The following GFPT1 variants were observed in gnomAD, a reference collection of about 807,000 sequenced individuals.
The protein encoded by GFPT1 is glutamine--fructose-6-phosphate aminotransferase [isomerizing] 1.
In GFPT1, 40 loss-of-function variants were observed where a neutral mutation model predicts 92.0. That is an observed-to-expected ratio of 0.43 (90% CI 0.34 to 0.57). The LOEUF (loss-of-function observed/expected upper bound fraction) is 0.57. Ranked by LOEUF, GFPT1 falls within the 20% of genes least tolerant of loss-of-function variation. The pLI, the probability that GFPT1 is intolerant of heterozygous loss-of-function variation, is 0.02. For missense variants in GFPT1, 448 were observed against 869.1 expected (o/e 0.52, Z 6.09); for synonymous variants, 269 against 280.6 (o/e 0.96, Z 0.41).
intron 1 of GFPT1, among the ~76,000 whole-genome samples, chr2:69,378,026 GT>G (rs1671920110): frequency 6.6e-6 from 1 of 151,872 alleles, no homozygotes; most frequent in Admixed American, 6.6e-5. Context: ...TTTGTTTTTT[GT>G]TTTTTTGAAA....
intron 1 of GFPT1, among the ~76,000 whole-genome samples, chr2:69,374,541 C>T (rs1234963321): frequency 6.6e-6 from 1 of 152,090 alleles, no homozygotes; most frequent in Non-Finnish European, 1.5e-5. Flanking sequence ...TCTCAATCTC[C>T]TGACCTCGTG....
chr2:69,377,085 G>A (rs987348287), intron 1 of GFPT1, among the ~76,000 whole-genome samples: 6 of 151,598 alleles, frequency 4.0e-5, no homozygotes, highest in Middle Eastern at 3.4e-3. Flanking sequence ...GCAGGTGCCT[G>A]CAATCGCAGC....
chr2:69,329,568 C>T lies in GFPT1; in HGVS notation c.1597+116G>A, dbSNP rs890265958. 22 of 954,650 alleles carry T rather than the reference C, an allele frequency of 2.3e-5. No homozygotes were observed. The African/African-American group carries it at 2.4e-4, about 11-fold the overall frequency. The allele number at this position is 954,650 out of a possible 1,614,324, so 59.1% of individuals were successfully genotyped here. On this transcript the variant is annotated intron_variant, in intron 16 of 19. Transcript: ENST00000357308. ...TATTTTTTTAATACATCGGAGCAAA[C>T]GTAGAAAGATCTTATTGACTAAATA...
chr2:69,372,212 A>G (rs1671767846), intron 2 of GFPT1, among the ~76,000 whole-genome samples: 1 of 151,618 alleles, frequency 6.6e-6, no homozygotes, highest in African/African-American at 2.4e-5. Context: ...AAAAAAAAAA[A>G]AAAAAAGAAG....
At chr2:69,368,126 G>A (rs1176082714) in intron 3 of GFPT1, among the ~76,000 whole-genome samples, 1 of 152,212 alleles carries the variant, frequency 6.6e-6, no homozygotes, top group Admixed American at 6.5e-5. Context: ...GCTCACGCCT[G>A]CAATCCCAGC....
At chr2:69,346,898 AGTTTTGTTTT>A (rs144737381) in intron 11 of GFPT1, among the ~76,000 whole-genome samples, 1,855 of 150,956 alleles carry the variant, frequency 0.012, 36 homozygotes, top group African/African-American at 0.041. Flanking sequence ...CCCGGCTCAT[AGTTTTGTTTT>A]GTTTTGTTTT....
chr2:69,360,797 C>T (rs1474249714), intron 4 of GFPT1, among the ~76,000 whole-genome samples: 1 of 152,080 alleles, frequency 6.6e-6, no homozygotes, highest in Non-Finnish European at 1.5e-5. Flanking sequence ...TGAAGTGGCA[C>T]GATCTCGGCT....
intron 3 of GFPT1, among the ~76,000 whole-genome samples, chr2:69,369,656 T>C (rs746955133): frequency 5.3e-5 from 8 of 152,170 alleles, no homozygotes; most frequent in Non-Finnish European, 8.8e-5. Flanking sequence ...AGTGAAGACA[T>C]GTGTAAAAGG....
intron 1 of GFPT1, among the ~76,000 whole-genome samples, chr2:69,378,284 G>A (rs1446245932): frequency 6.6e-5 from 10 of 152,188 alleles, no homozygotes; most frequent in African/African-American, 2.4e-4. Flanking sequence ...AGGATTACAG[G>A]CATAAGCCAC....
At chr2:69,338,377 G>A (rs1489165234) in intron 14 of GFPT1, 68 bp downstream of exon 14, 4 of 1,354,676 alleles carry the variant, frequency 3.0e-6, no homozygotes, top group Non-Finnish European at 4.2e-6. Flanking sequence ...ATCAGCTTTT[G>A]CCAAGATATG....
chr2:69,380,998 T>C (rs77633894), intron 1 of GFPT1, among the ~76,000 whole-genome samples: 1 of 152,036 alleles, frequency 6.6e-6, no homozygotes, highest in Non-Finnish European at 1.5e-5. Context: ...TTTTTTTTTT[T>C]AGACAGAGTC....
intron 15 of GFPT1, 118 bp from the exon 16 acceptor site, chr2:69,329,916 A>C (rs1050746299): frequency 4.1e-6 from 3 of 724,498 alleles, no homozygotes; most frequent in South Asian, 1.5e-5. Flanking sequence ...TATATTCTCT[A>C]TCTCTTAAAA....
intron 13 of GFPT1, among the ~76,000 whole-genome samples, chr2:69,339,233 G>A (rs1446710708): frequency 6.6e-6 from 1 of 152,152 alleles, no homozygotes; most frequent in Admixed American, 6.5e-5. Context: ...ATGTTAGGGA[G>A]GGGTTTCAAA....
chr2:69,381,556 C>CTT (rs113920856), intron 1 of GFPT1, among the ~76,000 whole-genome samples: 7 of 140,698 alleles, frequency 5.0e-5, no homozygotes, highest in African/African-American at 1.8e-4. Context: ...CTACTTGTAA[C>CTT]TTTTTTTTTT....
At chr2:69,354,402 G>A in intron 8 of GFPT1, 87 bp downstream of exon 8, 1 of 1,278,070 alleles carries the variant, frequency 7.8e-7, no homozygotes, top group South Asian at 1.2e-5. Flanking sequence ...ATATATACAT[G>A]TGCATCTGAC....
Position 69,356,527 on chromosome 2 carries a change from C to T in GFPT1, c.574G>A (p.Val192Ile), listed in dbSNP as rs1270945940. The T allele has an allele frequency of 7.4e-6, 12 of 1,613,452 alleles. No homozygotes were observed. The highest frequency in any genetic ancestry group is 1.1e-5 in the South Asian group (1 of 91,086). The change falls in exon 7 of 20, where the codon GTT becomes ATT. Residue 192 changes from valine to isoleucine, a missense_variant. This residue lies in a region of GFPT1 where 118 missense variants were observed against 192.9 expected (regional missense o/e 0.61). Transcript: ENST00000357308. ...EGAFALVFKS[V>I]HFPGQAVGTR... Reference sequence around the variant, plus strand: ...CCAACTGCTTGCCCGGGAAAATGAACACTTTTAAACACAAGTGCAAAAGCA... The same window carrying T: ...CCAACTGCTTGCCCGGGAAAATGAATACTTTTAAACACAAGTGCAAAAGCA...
At chr2:69,339,809 TACA>T (rs1670894554) in intron 13 of GFPT1, among the ~76,000 whole-genome samples, 1 of 152,200 alleles carries the variant, frequency 6.6e-6, no homozygotes, top group African/African-American at 2.4e-5. Context: ...TTAACAATAT[TACA>T]ACATCATGTA....
intron 9 of GFPT1, among the ~76,000 whole-genome samples, chr2:69,352,107 C>CA (rs1340074054): frequency 2.0e-5 from 3 of 150,576 alleles, no homozygotes; most frequent in South Asian, 2.1e-4. Flanking sequence ...ACTAAAAACA[C>CA]AAAAAATTAG....
intron 9 of GFPT1, among the ~76,000 whole-genome samples, chr2:69,351,008 CA>C (rs1467250311): frequency 2.0e-5 from 3 of 151,664 alleles, no homozygotes; most frequent in Admixed American, 6.6e-5. Context: ...GTCAGCATAA[CA>C]AATCAAGTTG....
Sources: gnomAD v4.1 joint callset for allele counts (sites outside exome capture counted in the v4.1 genomes callset) on GRCh38, gnomAD v4.1.1 for gene constraint, gnomAD v4.1.1 regional missense constraint, MANE v1.5 for transcripts, NCBI Gene and HGNC (gene_info 2026-07-23, HGNC 2026-07-21) for gene names.